The following SYNE3 variants were observed in gnomAD, a reference collection of about 807,000 sequenced individuals.
The protein encoded by SYNE3 is nesprin-3.
In SYNE3, 100 loss-of-function variants were observed where a neutral mutation model predicts 111.2. The observed-to-expected ratio is 0.90, with a 90% confidence interval of 0.77 to 1.06. The LOEUF (loss-of-function observed/expected upper bound fraction) is 1.06. SYNE3 is among the 50% of genes least tolerant of loss of function. SYNE3 has a pLI of 0.00. For synonymous variants in SYNE3, 547 were observed against 533.9 expected, an observed-to-expected ratio of 1.02 and a Z score of -0.34; for missense variants, 1,160 against 1,240.3, an observed-to-expected ratio of 0.94 and a Z score of 0.97.
In SYNE3 at chr14:95,446,231, G is replaced by A. The variant is rs1886711225; in HGVS notation, c.1450-140C>T. The A allele has an allele frequency of 4.0e-6, 4 of 1,006,202 alleles. No homozygotes were observed. In the East Asian group the frequency reaches 9.9e-5, roughly 25 times the overall value. 62.3% of individuals were successfully genotyped at this position (1,006,202 alleles called of 1,614,324 possible). A position where few individuals can be genotyped will look rare whatever the true frequency, so the allele number is the denominator to read the frequency against. ...GTGTCTGAGGAAGCAGCAAACTCAA[G>A]TAGAAACAAAATGAGCTGGCAGGAA... On this transcript the variant is annotated intron_variant, in intron 8 of 17. Coordinates refer to ENST00000682763, the MANE Select transcript of SYNE3 (RefSeq NM_152592.6).
chr14:95,496,468 CA>C (rs1243292984), intron 1 of SYNE3, among the ~76,000 whole-genome samples: 3 of 152,178 alleles, frequency 2.0e-5, no homozygotes, highest in African/African-American at 7.2e-5. Context: ...ATTCACATTC[CA>C]AAATGTGTCT....
In SYNE3 at chr14:95,429,381, A is replaced by G. The variant is rs925308811; in HGVS notation, c.2727+2698T>C. 9.8e-5 allele frequency among the ~76,000 whole-genome samples: 15 copies of G among 152,320 alleles called. No individual in the cohort carries two copies. The East Asian group carries it at 1.9e-3, about 20-fold the overall frequency. ...AATGGTGGAGCCTGGGTTTGAACCCAGAGTGTAAAGTGGTGGTTCTCAAAG... is the reference window on the plus strand; with the variant it reads ...AATGGTGGAGCCTGGGTTTGAACCCGGAGTGTAAAGTGGTGGTTCTCAAAG... On this transcript the variant is annotated intron_variant, in intron 17 of 17. Coordinates refer to ENST00000682763, the MANE Select transcript of SYNE3 (RefSeq NM_152592.6).
intron 8 of SYNE3, among the ~76,000 whole-genome samples, chr14:95,448,853 G>A (rs575739508): frequency 2.0e-5 from 3 of 152,362 alleles, no homozygotes; most frequent in South Asian, 2.1e-4. Flanking sequence ...GTCATACCAA[G>A]GTGGCAGAAA....
chr14:95,496,912 C>T (rs547182011), intron 1 of SYNE3, among the ~76,000 whole-genome samples: 1 of 152,366 alleles, frequency 6.6e-6, no homozygotes, highest in African/African-American at 2.4e-5. Flanking sequence ...TACTCTTACA[C>T]CCAAATGGTA....
chr14:95,418,096 G>A (rs952940721), intron 17 of SYNE3, 70 bp from the exon 18 acceptor site: 22 of 1,531,296 alleles, frequency 1.4e-5, no homozygotes, highest in African/African-American at 2.7e-5. Context: ...TTCAGGGGGC[G>A]AGGAGGATGC....
chr14:95,508,005 T>G (rs1214338895), intron 1 of SYNE3, among the ~76,000 whole-genome samples: 1 of 152,222 alleles, frequency 6.6e-6, no homozygotes, highest in African/African-American at 2.4e-5. Flanking sequence ...CACTGGGGGC[T>G]GTGGAGAAAG....
rs1387803439 is a variant in SYNE3, at chr14:95,439,117, C to T, written c.2292G>A (p.Gly764=). 1 of 1,614,142 alleles carries T rather than the reference C, an allele frequency of 6.2e-7. No individual in the cohort carries two copies. Among genetic ancestry groups the T allele is most frequent in the African/African-American group, 1.3e-5 (1 of 74,944 alleles). ...WHLQRMEVDS[G]KKMVFTNNIP... ...TGTTGTTGGTGAAAACCATTTTCTT[C>T]CCCGAATCCACTTCCATCCTCTGCA... Residue 764 remains glycine, a synonymous_variant, in exon 14 of 18, where the codon GGG becomes GGA. Transcript: ENST00000682763.
In SYNE3 at chr14:95,488,285, A is replaced by G. The variant is rs114123133; in HGVS notation, c.-14-12450T>C. The stretch of plus-strand genomic sequence containing the variant: ...TACTCTTTTTAGAGAGAGGGGTCTG[A>G]TTTTTTCACTCAGGATGGTTATTTT... On this transcript the variant is annotated intron_variant, in intron 1 of 17. Transcript: ENST00000682763. 3.0e-3 allele frequency among the ~76,000 whole-genome samples: 449 copies of G among 152,020 alleles called. 2 individuals are homozygous for G. Among genetic ancestry groups the G allele is most frequent in the African/African-American group, 0.01 (435 of 41,482 alleles).
chr14:95,513,737 T>TGATATA (rs1480614847), intron 1 of SYNE3, among the ~76,000 whole-genome samples: 1 of 92,506 alleles, frequency 1.1e-5, no homozygotes, highest in East Asian at 3.7e-4. Context: ...GCTGCTTAGA[T>TGATATA]TATATATATA....
In SYNE3 at chr14:95,417,492, A is replaced by T. The variant is rs1903617214; in HGVS notation, c.*334T>A. 2.9e-6 allele frequency: 1 copy of T among 345,782 alleles called. No individual in the cohort carries two copies. Among genetic ancestry groups the T allele is most frequent in the Non-Finnish European group, 5.5e-6 (1 of 181,624 alleles). The allele number at this position is 345,782 out of a possible 1,614,324, so 21.4% of individuals were successfully genotyped here. On this transcript the variant is annotated 3_prime_UTR_variant, in exon 18 of 18. Transcript: ENST00000682763. ...GCAGACCAAGTCAACAATACCACAA[A>T]ATCCCATTGGAGGGAGCCATTGCTA...
At chr14:95,516,290 C>A (rs1252538469) in intron 1 of SYNE3, 1 of 152,248 alleles carries the variant, frequency 6.6e-6, no homozygotes, top group Non-Finnish European at 1.5e-5. Context: ...GCGCGCTGCC[C>A]GGGGCTTTAG....
intron 1 of SYNE3, among the ~76,000 whole-genome samples, chr14:95,480,065 A>G (rs985486226): frequency 1.3e-5 from 2 of 152,216 alleles, no homozygotes; most frequent in African/African-American, 2.4e-5. Context: ...AAATAAATAA[A>G]TAAATAAATA....
rs184858424 is a variant in SYNE3, at chr14:95,427,415, C to T, written c.2727+4664G>A. 1.8e-3 allele frequency among the ~76,000 whole-genome samples: 274 copies of T among 152,314 alleles called. 3 individuals are homozygous for T. Among genetic ancestry groups the T allele is most frequent in the African/African-American group, 6.0e-3 (251 of 41,568 alleles). On this transcript the variant is annotated intron_variant, in intron 17 of 17. Coordinates refer to ENST00000682763, the MANE Select transcript of SYNE3 (RefSeq NM_152592.6). The stretch of plus-strand genomic sequence containing the variant: ...GCCCGCAGTTATCCGGAGGCCTAAC[C>T]GTCTCCCTGTGATGCTGTGCTTCAG...
At chr14:95,483,800 C>A (rs760519186) in intron 1 of SYNE3, among the ~76,000 whole-genome samples, 2 of 152,318 alleles carry the variant, frequency 1.3e-5, no homozygotes, top group East Asian at 3.9e-4. Flanking sequence ...CAAAGCCATG[C>A]GGGCTGCAGG....
chr14:95,496,651 T>C (rs7493483), intron 1 of SYNE3, among the ~76,000 whole-genome samples: 97,701 of 152,076 alleles, frequency 0.64, 31,866 homozygotes, highest in African/African-American at 0.76. Flanking sequence ...AAGATAAGAA[T>C]ATGTTTGCCA....
intron 14 of SYNE3, 122 bp downstream of exon 14, chr14:95,438,911 G>C: frequency 7.3e-7 from 1 of 1,368,672 alleles, no homozygotes; most frequent in South Asian, 1.3e-5. Flanking sequence ...GACAGGACGT[G>C]GCCAAGTCCT....
chr14:95,419,138 T>G (rs917185189), intron 17 of SYNE3, among the ~76,000 whole-genome samples: 2 of 152,194 alleles, frequency 1.3e-5, no homozygotes, highest in African/African-American at 4.8e-5. Context: ...GATGTCTGAC[T>G]GCCAAGGAGT....
Position 95,413,383 on chromosome 14 carries a change from T to A in SYNE3, c.*4443A>T, listed in dbSNP as rs7350742. ...TCCGCCCTCTCCAGCCAGACCACCA[T>A]AAAGTGCAGTTCCTCAAAGCTTCTG... On this transcript the variant is annotated 3_prime_UTR_variant, in exon 18 of 18. Coordinates refer to ENST00000682763, the MANE Select transcript of SYNE3 (RefSeq NM_152592.6). 0.74 allele frequency: 112,654 copies of A among 152,410 alleles called. 42,025 individuals are homozygous for A. Among genetic ancestry groups the A allele is most frequent in the Middle Eastern group, 0.82 (241 of 294 alleles). 9.4% of individuals were successfully genotyped at this position (152,410 alleles called of 1,614,324 possible).
rs1903492421 is a variant in SYNE3 at position 95,413,671 on chromosome 14, C to T, written c.*4155G>A. The T allele has an allele frequency of 6.6e-6, 1 of 152,268 alleles. No homozygotes were observed. The highest frequency in any genetic ancestry group is 2.4e-5 in the African/African-American group (1 of 41,442). 9.4% of individuals were successfully genotyped at this position (152,268 alleles called of 1,614,324 possible). A position where few individuals can be genotyped will look rare whatever the true frequency, so the allele number is the denominator to read the frequency against. On this transcript the variant is annotated 3_prime_UTR_variant, in exon 18 of 18. Coordinates refer to ENST00000682763, the MANE Select transcript of SYNE3 (RefSeq NM_152592.6). ...TGCAGAGGGTCCCCAGCTTCCTTCC[C>T]CTGAAGATGCCCGGAGACAAGCATC...
Sources: gnomAD v4.1 joint callset for allele counts (sites outside exome capture counted in the v4.1 genomes callset) on GRCh38, gnomAD v4.1.1 for gene constraint, MANE v1.5 for transcripts, NCBI Gene and HGNC (gene_info 2026-07-23, HGNC 2026-07-21) for gene names.